Variants in AFG3L2 observed in about 807,000 individuals in gnomAD.
The protein encoded by AFG3L2 is mitochondrial inner membrane m-AAA protease component AFG3L2.
Under a neutral mutation model 94.5 loss-of-function variants are expected in AFG3L2, and 54 were observed. That is an observed-to-expected ratio of 0.57 (90% CI 0.46 to 0.72). AFG3L2 has a LOEUF of 0.72. Ranked by LOEUF, AFG3L2 falls within the 30% of genes least tolerant of loss-of-function variation. The pLI is 0.00. For missense variants in AFG3L2, 754 were observed against 994.9 expected (o/e 0.76, Z 3.26); for synonymous variants, 377 against 365.5 (o/e 1.03, Z -0.36).
At position 12,339,568 on chromosome 18, in the gene AFG3L2, C is replaced by A. The variant is rs865777139; in HGVS notation, c.1980+633G>T. On this transcript the variant is annotated intron_variant, in intron 15 of 16. Coordinates refer to ENST00000269143, the MANE Select transcript of AFG3L2 (RefSeq NM_006796.3). ...ACTCCAGATCAAAAAAAAAAAAAAA[C>A]AAAAAAGCTGGGCGCAGTGGCTCAC... is the stretch of plus-strand genomic sequence containing the variant. Among the ~76,000 whole-genome samples the A allele has an allele frequency of 9.8e-3, 1,077 of 110,390 alleles. 15 individuals carry two copies. The highest frequency in any genetic ancestry group is 0.031 in the African/African-American group (952 of 31,098). 72.4% of individuals were successfully genotyped at this position (110,390 alleles called of 152,430 possible).
intron 16 of AFG3L2, among the ~76,000 whole-genome samples, chr18:12,336,692 G>A (rs2143107851): frequency 6.6e-6 from 1 of 152,252 alleles, no homozygotes; most frequent in African/African-American, 2.4e-5. Flanking sequence ...TTTTACATTT[G>A]TGTTTTTCTC....
At chr18:12,351,933 G>A (rs2143167733) in intron 10 of AFG3L2, among the ~76,000 whole-genome samples, 1 of 152,276 alleles carries the variant, frequency 6.6e-6, no homozygotes, top group East Asian at 1.9e-4. Flanking sequence ...AGACTTAAAA[G>A]TTTTACGAGT....
Position 12,351,223 on chromosome 18 carries a change from T to G in AFG3L2, c.1427-13A>C. On this transcript the variant is annotated splice_polypyrimidine_tract_variant and intron_variant, in intron 11 of 16. Transcript: ENST00000269143. ...ATGTCTGGTGGTCCTTTAGAAATCA[T>G]TTTTAAGGAAAAGAAAATCATATTG... is the stretch of plus-strand genomic sequence containing the variant. The G allele has an allele frequency of 6.2e-7, 1 of 1,614,138 alleles. No individual in the cohort carries two copies. The highest frequency in any genetic ancestry group is 1.3e-5 in the African/African-American group (1 of 75,032).
At chr18:12,376,327 T>C (rs1229348848) in intron 1 of AFG3L2, among the ~76,000 whole-genome samples, 1 of 152,240 alleles carries the variant, frequency 6.6e-6, no homozygotes, top group Non-Finnish European at 1.5e-5. Flanking sequence ...ACGGCCATGG[T>C]TCTGTCAACA....
chr18:12,335,329 A>T (rs951549003), intron 16 of AFG3L2, among the ~76,000 whole-genome samples: 1 of 152,184 alleles, frequency 6.6e-6, no homozygotes, highest in Non-Finnish European at 1.5e-5. Flanking sequence ...TGAACAAGAG[A>T]TGCATGCGTA....
chr18:12,365,540 G>A (rs996426931), intron 5 of AFG3L2, among the ~76,000 whole-genome samples: 4 of 152,210 alleles, frequency 2.6e-5, no homozygotes, highest in African/African-American at 9.7e-5. Flanking sequence ...GTACAGGCAG[G>A]ATCTGTCCGA....
intron 16 of AFG3L2, among the ~76,000 whole-genome samples, chr18:12,332,376 G>C (rs1300311278): frequency 6.6e-6 from 1 of 152,008 alleles, no homozygotes; most frequent in Non-Finnish European, 1.5e-5. Flanking sequence ...TGGGATTACA[G>C]GGATAAGCCA....
Position 12,351,540 on chromosome 18 carries a change from GTGTTTTT to G in AFG3L2, c.1319-134_1319-128del, listed in dbSNP as rs1457070424. The G allele has an allele frequency of 7.4e-6, 6 of 811,858 alleles. No homozygotes were observed. In the East Asian group the frequency reaches 1.1e-4, roughly 15 times the overall value. The allele number at this position is 811,858 out of a possible 1,614,324, so 50.3% of individuals were successfully genotyped here. A position where few individuals can be genotyped will look rare whatever the true frequency, so the allele number is the denominator to read the frequency against. On this transcript the variant is annotated intron_variant, in intron 10 of 16. Transcript: ENST00000269143. ...AAACACATTTTCTATTCATTATCTAGTGTTTTTTGTTTTTTTTTTTTTTGAGACGGAG... is the reference window on the plus strand; with the variant it reads ...AAACACATTTTCTATTCATTATCTAGTGTTTTTTTTTTTTTTGAGACGGAG...
chr18:12,360,430 G>A (rs1349971194), intron 6 of AFG3L2, among the ~76,000 whole-genome samples: 2 of 152,180 alleles, frequency 1.3e-5, no homozygotes. Flanking sequence ...CTGTGAAACA[G>A]GGATAAGAGC....
Position 12,351,075 on chromosome 18 carries a change from T to C in AFG3L2, c.1552+10A>G. The stretch of plus-strand genomic sequence containing the variant: ...GCTTCTAAATAGGGTCCTCGTTATT[T>C]TCCACTCACCTGAAAACCCTGGAGT... On this transcript the variant is annotated intron_variant, in intron 12 of 16. Transcript: ENST00000269143. 1 of 1,612,454 alleles carries C rather than the reference T, an allele frequency of 6.2e-7. No homozygotes were observed. Among genetic ancestry groups the C allele is most frequent in the East Asian group, 2.2e-5 (1 of 44,892 alleles).
chr18:12,351,267 T>A (rs1173796142), intron 11 of AFG3L2, 39 bp downstream of exon 11: 1 of 1,613,920 alleles, frequency 6.2e-7, no homozygotes. Flanking sequence ...ACACCTACAC[T>A]CATGAGCACT....
At chr18:12,339,684 TAAA>T (rs765088515) in intron 15 of AFG3L2, among the ~76,000 whole-genome samples, 1 of 151,050 alleles carries the variant, frequency 6.6e-6, no homozygotes, top group African/African-American at 2.4e-5. Context: ...CTGTCTCTAC[TAAA>T]AATACAAAAA....
chr18:12,376,339 T>C (rs1909155234), intron 1 of AFG3L2, among the ~76,000 whole-genome samples: 1 of 152,160 alleles, frequency 6.6e-6, no homozygotes, highest in Non-Finnish European at 1.5e-5. Flanking sequence ...CTGTCAACAC[T>C]CTATCATTAT....
At chr18:12,347,553 TA>T (rs201223840) in intron 13 of AFG3L2, among the ~76,000 whole-genome samples, 16,695 of 148,826 alleles carry the variant, frequency 0.11, 1,063 homozygotes, top group East Asian at 0.22. Flanking sequence ...TTATTATTAT[TA>T]TTTTTTTTTT....
intron 6 of AFG3L2, among the ~76,000 whole-genome samples, chr18:12,362,651 C>T (rs1006842286): frequency 4.1e-5 from 6 of 145,890 alleles, no homozygotes; most frequent in Admixed American, 1.3e-4. Context: ...CCCGTAGGGA[C>T]GGCACTGCCC....
At chr18:12,346,539 T>A (rs1908142314) in intron 13 of AFG3L2, among the ~76,000 whole-genome samples, 1 of 152,176 alleles carries the variant, frequency 6.6e-6, no homozygotes, top group Non-Finnish European at 1.5e-5. Flanking sequence ...CTCACAGTGA[T>A]GACTGCAAGG....
intron 3 of AFG3L2, 62 bp from the exon 4 acceptor site, chr18:12,367,444 C>A: frequency 6.9e-7 from 1 of 1,447,510 alleles, no homozygotes; most frequent in South Asian, 1.1e-5. Context: ...TCAGCAATGT[C>A]TTCATGTATA....
rs1482663054 is a variant in AFG3L2 at position 12,340,295 on chromosome 18, A to G, written c.1886T>C (p.Leu629Ser). The G allele has an allele frequency of 6.2e-7, 1 of 1,614,156 alleles. No homozygotes were observed. The highest frequency in any genetic ancestry group is 1.7e-5 in the Admixed American group (1 of 60,024). ...EQLLDRMCMT[L>S]GGRVSEEIFF... ...GATTTCTTCAGAGACTCGACCACCT[A>G]AAGTCATACACATCCTATCCAAGAG... The change falls in exon 15 of 17, where the codon TTA becomes TCA. Residue 629 changes from leucine (L) to serine (S), a missense_variant. Leu to Ser is a moderately radical substitution (Grantham distance 145). Around this residue, in one of 4 missense-constraint regions of AFG3L2, gnomAD observed 279 missense variants for 378.6 expected, o/e 0.74. Transcript: ENST00000269143.
At chr18:12,347,452 G>A (rs1020132260) in intron 13 of AFG3L2, among the ~76,000 whole-genome samples, 1 of 152,220 alleles carries the variant, frequency 6.6e-6, no homozygotes, top group African/African-American at 2.4e-5. Context: ...AAGCCCTATG[G>A]AATGCTAAGA....
Sources: gnomAD v4.1 joint callset for allele counts (sites outside exome capture counted in the v4.1 genomes callset) on GRCh38, gnomAD v4.1.1 for gene constraint, gnomAD v4.1.1 regional missense constraint, MANE v1.5 for transcripts, NCBI Gene and HGNC (gene_info 2026-07-23, HGNC 2026-07-21) for gene names.